ARMC8: variants seen among roughly 807,000 people sequenced by gnomAD.
ARMC8 encodes armadillo repeat containing 8.
Under a neutral mutation model 99.3 loss-of-function variants are expected in ARMC8, and 20 were observed. The observed-to-expected ratio is 0.20, with a 90% confidence interval of 0.14 to 0.29. The LOEUF (loss-of-function observed/expected upper bound fraction) is 0.29, where lower values mean the gene tolerates loss of function less well. ARMC8 is among the 10% of genes least tolerant of loss of function. The pLI is 1.00. For missense variants in ARMC8, 569 were observed against 809.5 expected, an observed-to-expected ratio of 0.70 and a Z score of 3.60; for synonymous variants, 263 against 278.3, an observed-to-expected ratio of 0.95 and a Z score of 0.55.
intron 6 of ARMC8, among the ~76,000 whole-genome samples, chr3:138,233,543 T>C (rs1167510788): frequency 6.6e-6 from 1 of 151,816 alleles, no homozygotes; most frequent in South Asian, 2.1e-4. Context: ...AGTTAGAAAA[T>C]ATATGGAAAA....
At chr3:138,290,266 G>T (rs1560058091) in intron 20 of ARMC8, among the ~76,000 whole-genome samples, 2 of 152,186 alleles carry the variant, frequency 1.3e-5, no homozygotes, top group Non-Finnish European at 2.9e-5. Context: ...CCAGGCTGAA[G>T]AATCTCACCT....
At chr3:138,199,283 A>G (rs765108729) in intron 1 of ARMC8, among the ~76,000 whole-genome samples, 1 of 152,254 alleles carries the variant, frequency 6.6e-6, no homozygotes, top group Non-Finnish European at 1.5e-5. Context: ...GAAGTTTACC[A>G]GAATACAAAG....
intron 6 of ARMC8, among the ~76,000 whole-genome samples, 199 bp downstream of exon 6, chr3:138,229,209 T>A (rs1170351592): frequency 3.0e-5 from 4 of 134,566 alleles, no homozygotes; most frequent in African/African-American, 1.1e-4. Flanking sequence ...TATGTATATA[T>A]AAAATATATA....
intron 11 of ARMC8, among the ~76,000 whole-genome samples, chr3:138,243,276 A>G (rs2046716317): frequency 6.6e-6 from 1 of 152,234 alleles, no homozygotes; most frequent in African/African-American, 2.4e-5. Flanking sequence ...TAAAACTGTA[A>G]CAACAATAAT....
chr3:138,279,708 A>AT (rs1412792307), intron 18 of ARMC8, among the ~76,000 whole-genome samples: 1 of 152,270 alleles, frequency 6.6e-6, no homozygotes, highest in East Asian at 1.9e-4. Context: ...ACAAATTCAG[A>AT]TTTTTTAATA....
chr3:138,298,028 A>G lies in ARMC8; in HGVS notation c.*2136A>G, dbSNP rs149536603. On this transcript the variant is annotated 3_prime_UTR_variant, in exon 22 of 22. Coordinates refer to ENST00000469044, the MANE Select transcript of ARMC8 (RefSeq NM_001363941.2). ...ATGGTCAAATTAAAAATGCTTTACTATAATTAACTTTTCTGATTTGAATGA... is the reference window on the plus strand; with the variant it reads ...ATGGTCAAATTAAAAATGCTTTACTGTAATTAACTTTTCTGATTTGAATGA... 6.6e-6 allele frequency: 1 copy of G among 152,240 alleles called. No individual in the cohort carries two copies. The allele number at this position is 152,240 out of a possible 1,614,324, so 9.4% of individuals were successfully genotyped here.
At chr3:138,293,218 T>G (rs2051143310) in intron 21 of ARMC8, among the ~76,000 whole-genome samples, 1 of 152,090 alleles carries the variant, frequency 6.6e-6, no homozygotes, top group African/African-American at 2.4e-5. Flanking sequence ...GGCCTCTGCT[T>G]CCCCGAAGCT....
At chr3:138,191,773 GGTT>G (rs539900294) in intron 1 of ARMC8, among the ~76,000 whole-genome samples, 13 of 152,104 alleles carry the variant, frequency 8.5e-5, no homozygotes, top group East Asian at 1.9e-4. Flanking sequence ...GACTTTTTGA[GGTT>G]GTTTTTTGTC....
At chr3:138,216,078 G>T (rs1330136828) in intron 2 of ARMC8, among the ~76,000 whole-genome samples, 1 of 148,142 alleles carries the variant, frequency 6.8e-6, no homozygotes, top group Non-Finnish European at 1.5e-5. Context: ...AAGTAGAGAT[G>T]GGGTTTCATT....
chr3:138,227,963 C>T (rs2108104194), intron 5 of ARMC8, among the ~76,000 whole-genome samples: 1 of 152,210 alleles, frequency 6.6e-6, no homozygotes, highest in South Asian at 2.1e-4. Flanking sequence ...ACTCCTTCTG[C>T]TTTCTTTTGT....
chr3:138,278,619 G>A (rs879401816), intron 18 of ARMC8, among the ~76,000 whole-genome samples: 4 of 151,974 alleles, frequency 2.6e-5, no homozygotes, highest in Non-Finnish European at 5.9e-5. Context: ...TTGGGATTTC[G>A]ATCGTATTGT....
At chr3:138,242,298 G>T (rs978642064) in intron 11 of ARMC8, among the ~76,000 whole-genome samples, 7 of 152,144 alleles carry the variant, frequency 4.6e-5, no homozygotes. Flanking sequence ...CTTGGTCATG[G>T]AATCATCTCT....
intron 21 of ARMC8, among the ~76,000 whole-genome samples, chr3:138,293,073 C>G (rs1159091743): frequency 6.6e-6 from 1 of 152,184 alleles, no homozygotes; most frequent in African/African-American, 2.4e-5. Flanking sequence ...CTTTTGTGCT[C>G]CTGTAGCATC....
chr3:138,251,760 TATTTCATA>T (rs1251855167), intron 12 of ARMC8, among the ~76,000 whole-genome samples: 1 of 152,260 alleles, frequency 6.6e-6, no homozygotes, highest in African/African-American at 2.4e-5. Context: ...AATGAATTTT[TATTTCATA>T]GTTTCATTAA....
At chr3:138,188,300 AG>A (rs1248608401) in intron 1 of ARMC8, 28 of 1,030,054 alleles carry the variant, frequency 2.7e-5, no homozygotes, top group East Asian at 8.4e-5. Flanking sequence ...CAAACATTGA[AG>A]GGGGGAAAAG....
intron 1 of ARMC8, among the ~76,000 whole-genome samples, chr3:138,194,851 A>C (rs570843493): frequency 3.3e-5 from 5 of 152,276 alleles, no homozygotes; most frequent in Non-Finnish European, 7.4e-5. Flanking sequence ...CTGTAAACAT[A>C]AATTTGGCCT....
intron 10 of ARMC8, 76 bp from the exon 11 acceptor site, chr3:138,241,707 T>G: frequency 8.5e-7 from 1 of 1,175,702 alleles, no homozygotes; most frequent in Non-Finnish European, 1.3e-6. Flanking sequence ...TAAAAGCTAT[T>G]GAGTTGATTC....
At chr3:138,193,852 T>C (rs1435502722) in intron 1 of ARMC8, among the ~76,000 whole-genome samples, 2 of 152,182 alleles carry the variant, frequency 1.3e-5, no homozygotes, top group Non-Finnish European at 2.9e-5. Context: ...AATTGGACTT[T>C]ACCAAAATGA....
At chr3:138,214,192 A>G (rs991736648) in intron 2 of ARMC8, among the ~76,000 whole-genome samples, 6 of 151,860 alleles carry the variant, frequency 4.0e-5, no homozygotes, top group Admixed American at 1.3e-4. Flanking sequence ...AGATATCCCT[A>G]CATGGCCCTT....
Sources: gnomAD v4.1 joint callset for allele counts (sites outside exome capture counted in the v4.1 genomes callset) on GRCh38, gnomAD v4.1.1 for gene constraint, MANE v1.5 for transcripts, NCBI Gene and HGNC (gene_info 2026-07-23, HGNC 2026-07-21) for gene names.